The following KCNIP4 variants were observed in gnomAD, a reference collection of about 807,000 sequenced individuals.
KCNIP4 encodes potassium voltage-gated channel interacting protein 4.
Under a neutral mutation model 34.0 loss-of-function variants are expected in KCNIP4, and 12 were observed. That is an observed-to-expected ratio of 0.35 (90% confidence interval 0.23 to 0.57). The LOEUF (loss-of-function observed/expected upper bound fraction) is 0.57. KCNIP4 is among the 20% of genes least tolerant of loss of function. The pLI is 0.83. For synonymous variants in KCNIP4, 124 were observed against 102.2 expected (o/e 1.21, Z -1.29); for missense variants, 238 against 311.7 (o/e 0.76, Z 1.78).
intron 1 of KCNIP4, among the ~76,000 whole-genome samples, chr4:21,026,977 C>T (rs759259251): frequency 9.9e-5 from 15 of 152,216 alleles, no homozygotes; most frequent in South Asian, 4.1e-4. Flanking sequence ...ATTATAAAAG[C>T]ATTTCTGAAG....
At position 21,304,047 on chromosome 4, in the gene KCNIP4, GAGAGAGAGAGAGAGAGAGAGAC is replaced by G. The variant is rs1463217182; in HGVS notation, c.62-421360_62-421339del. ...AGAGCGTATGAGAGAGAGAGAGAGA[GAGAGAGAGAGAGAGAGAGAGAC>G]AGAGAGAGAGAGAGAGACAGAGAGA... On this transcript the variant is annotated intron_variant, in intron 1 of 8. Transcript: ENST00000382152. 1,286 of 569,938 alleles carry G rather than the reference GAGAGAGAGAGAGAGAGAGAGAC, an allele frequency of 2.3e-3. 4 individuals are homozygous for G. Among genetic ancestry groups the G allele is most frequent in the African/African-American group, 0.012 (329 of 27,242 alleles). The allele number at this position is 569,938 out of a possible 1,614,324, so 35.3% of individuals were successfully genotyped here. A position where few individuals can be genotyped will look rare whatever the true frequency, so the allele number is the denominator to read the frequency against.
At chr4:20,835,947 C>G (rs190541156) in intron 3 of KCNIP4, among the ~76,000 whole-genome samples, 1 of 152,168 alleles carries the variant, frequency 6.6e-6, no homozygotes, top group African/African-American at 2.4e-5. Context: ...ACTTTCACTT[C>G]TTTGTATCTC....
intron 1 of KCNIP4, among the ~76,000 whole-genome samples, chr4:21,065,062 T>C (rs1744231055): frequency 6.6e-6 from 1 of 152,220 alleles, no homozygotes; most frequent in African/African-American, 2.4e-5. Flanking sequence ...AAGTGTCCAC[T>C]CTGTCATGGG....
chr4:21,113,720 C>T (rs1334120064), intron 1 of KCNIP4, among the ~76,000 whole-genome samples: 1 of 152,060 alleles, frequency 6.6e-6, no homozygotes, highest in African/African-American at 2.4e-5. Context: ...GGATTTTCCA[C>T]AATGTGGAAT....
At chr4:21,265,898 A>C (rs1424696319) in intron 1 of KCNIP4, among the ~76,000 whole-genome samples, 2 of 152,262 alleles carry the variant, frequency 1.3e-5, no homozygotes, top group Non-Finnish European at 2.9e-5. Context: ...GTCTATAAAC[A>C]AGGTAATTAT....
chr4:21,254,590 C>G (rs1390908063), intron 1 of KCNIP4, among the ~76,000 whole-genome samples: 4 of 152,140 alleles, frequency 2.6e-5, no homozygotes, highest in Non-Finnish European at 5.9e-5. Context: ...CTACTTTGGA[C>G]TTTGCCTTAC....
chr4:21,128,476 T>C (rs1750797169), intron 1 of KCNIP4, among the ~76,000 whole-genome samples: 1 of 152,166 alleles, frequency 6.6e-6, no homozygotes, highest in South Asian at 2.1e-4. Flanking sequence ...TATAGGAGAC[T>C]ATAAGGATTG....
intron 1 of KCNIP4, among the ~76,000 whole-genome samples, chr4:21,626,194 G>C (rs1745308543): frequency 6.6e-6 from 1 of 152,066 alleles, no homozygotes; most frequent in African/African-American, 2.4e-5. Flanking sequence ...GAGCAGTTAA[G>C]GGAGGAAGTT....
At chr4:20,774,100 A>C (rs1756155623) in intron 3 of KCNIP4, among the ~76,000 whole-genome samples, 1 of 152,198 alleles carries the variant, frequency 6.6e-6, no homozygotes, top group Admixed American at 6.5e-5. Context: ...TATGAGGCTT[A>C]AATAAAGATA....
chr4:21,635,621 T>C (rs10008432), intron 1 of KCNIP4, among the ~76,000 whole-genome samples: 20,652 of 151,944 alleles, frequency 0.14, 1,599 homozygotes, highest in African/African-American at 0.2. Flanking sequence ...ATGGCAATCA[T>C]TAAAAAGTCA....
intron 1 of KCNIP4, among the ~76,000 whole-genome samples, chr4:21,531,359 C>CCCTCCCTT (rs66461464): frequency 0.034 from 4,266 of 125,794 alleles, 129 homozygotes; most frequent in Middle Eastern, 0.067. Flanking sequence ...CTCCCTCCCT[C>CCCTCCCTT]CCTCCCTCCC....
chr4:21,686,697 T>C (rs1269583992), intron 1 of KCNIP4, among the ~76,000 whole-genome samples: 1 of 152,180 alleles, frequency 6.6e-6, no homozygotes, highest in Non-Finnish European at 1.5e-5. Context: ...CCATTTTTTA[T>C]GATTGGAAGA....
At chr4:21,190,507 G>T (rs1193117266) in intron 1 of KCNIP4, among the ~76,000 whole-genome samples, 3 of 116,642 alleles carry the variant, frequency 2.6e-5, no homozygotes, top group East Asian at 2.9e-4. Context: ...GCGAGTGGGT[G>T]GGGGGGGGCA....
chr4:21,247,625 A>G (rs1760320916), intron 1 of KCNIP4, among the ~76,000 whole-genome samples: 1 of 143,942 alleles, frequency 6.9e-6, no homozygotes, highest in Non-Finnish European at 1.5e-5. Context: ...TTATATCTAT[A>G]TATTTAGATA....
intron 1 of KCNIP4, among the ~76,000 whole-genome samples, chr4:21,622,739 A>C (rs2109181015): frequency 6.6e-6 from 1 of 152,312 alleles, no homozygotes; most frequent in Middle Eastern, 3.4e-3. Context: ...CATCAACTTA[A>C]AAAAATAGTT....
intron 1 of KCNIP4, among the ~76,000 whole-genome samples, chr4:20,963,560 TA>T (rs565221317): frequency 5.3e-5 from 8 of 150,966 alleles, no homozygotes; most frequent in Admixed American, 2.0e-4. Flanking sequence ...TACTATGGAT[TA>T]AAAAAAAAGT....
chr4:21,066,529 C>T (rs1289952643), intron 1 of KCNIP4, among the ~76,000 whole-genome samples: 2 of 152,166 alleles, frequency 1.3e-5, no homozygotes, highest in African/African-American at 2.4e-5. Context: ...CCGCATCCCC[C>T]TCATCCCCTG....
intron 1 of KCNIP4, among the ~76,000 whole-genome samples, chr4:21,196,381 A>G (rs567652085): frequency 6.6e-6 from 1 of 152,288 alleles, no homozygotes; most frequent in South Asian, 2.1e-4. Context: ...TGGAGTGGAA[A>G]TATACCTTAG....
At chr4:21,939,812 G>A (rs1027355140) in intron 1 of KCNIP4, among the ~76,000 whole-genome samples, 4 of 152,192 alleles carry the variant, frequency 2.6e-5, no homozygotes, top group African/African-American at 9.7e-5. Context: ...GAAAGGATGT[G>A]AGAAAAGTTG....
Sources: gnomAD v4.1 joint callset for allele counts (sites outside exome capture counted in the v4.1 genomes callset) on GRCh38, gnomAD v4.1.1 for gene constraint, MANE v1.5 for transcripts, NCBI Gene and HGNC (gene_info 2026-07-23, HGNC 2026-07-21) for gene names.